TMEM114: variants seen among roughly 807,000 people sequenced by gnomAD.
TMEM114 encodes the protein transmembrane protein 114.
A neutral mutation model predicts 6.2 loss-of-function variants in TMEM114; 6 were observed. That is an observed-to-expected ratio of 0.97 (90% confidence interval 0.53 to 1.91). The LOEUF (loss-of-function observed/expected upper bound fraction) is 1.91. Ranked by LOEUF, TMEM114 falls within the 40% of genes most tolerant of loss-of-function variation. The probability of loss-of-function intolerance (pLI) is 0.01; values close to 1 mark genes in which losing one functional copy is unlikely to be tolerated. For missense variants in TMEM114, 218 were observed against 158.3 expected (o/e 1.38, Z -2.02); for synonymous variants, 104 against 73.0 (o/e 1.42, Z -2.16).
At chr16:8,527,178 T>G in the TMEM114 span, among the ~76,000 whole-genome samples, 1 of 152,170 alleles carries the variant, frequency 6.6e-6, no homozygotes, top group Non-Finnish European at 1.5e-5. Flanking sequence ...CTGCACTCCA[T>G]CCAGCCTGGG....
At chr16:8,586,026 C>T (rs576705219) in intron 2 of TMEM114, among the ~76,000 whole-genome samples, 1 of 152,302 alleles carries the variant, frequency 6.6e-6, no homozygotes, top group East Asian at 1.9e-4. Flanking sequence ...GGTTGTTGCA[C>T]TGTCAAGATT....
rs183569421 is a variant in TMEM114, at chr16:8,559,565, G to A, written n.213-21739C>T. Among the ~76,000 whole-genome samples the A allele has an allele frequency of 1.1e-4, 16 of 152,334 alleles. No homozygotes were observed. The East Asian group carries it at 3.1e-3, about 29-fold the overall frequency. The stretch of plus-strand genomic sequence containing the variant: ...AACAAAGGTGGAAGCGGATAGGGGA[G>A]TCGGCTTTTTCAATGCATGAATATT... On this transcript the variant is annotated intron_variant and non_coding_transcript_variant, in intron 2 of 2. Transcript: ENST00000623677.
chr16:8,531,474 C>T, the TMEM114 span, among the ~76,000 whole-genome samples: 1 of 152,186 alleles, frequency 6.6e-6, no homozygotes, highest in Non-Finnish European at 1.5e-5. Flanking sequence ...AGAGTTATCA[C>T]AAGGGAAGCC....
chr16:8,588,724 T>C (rs1489090195), intron 2 of TMEM114, among the ~76,000 whole-genome samples: 1 of 152,198 alleles, frequency 6.6e-6, no homozygotes, highest in Admixed American at 6.5e-5. Context: ...TGCAAATTTC[T>C]ATCGCACCCC....
At chr16:8,541,714 T>C (rs1172187505) in intron 2 of TMEM114, among the ~76,000 whole-genome samples, 4 of 152,186 alleles carry the variant, frequency 2.6e-5, no homozygotes, top group Non-Finnish European at 5.9e-5. Flanking sequence ...AATTTCATAT[T>C]CTCCATCAAT....
At chr16:8,559,497 C>A (rs1323503348) in intron 2 of TMEM114, among the ~76,000 whole-genome samples, 1 of 152,144 alleles carries the variant, frequency 6.6e-6, no homozygotes, top group Non-Finnish European at 1.5e-5. Context: ...AAGCAAGGAC[C>A]CAGCAATCCA....
intron 2 of TMEM114, among the ~76,000 whole-genome samples, chr16:8,542,727 G>T (rs918568773): frequency 2.0e-5 from 3 of 152,104 alleles, no homozygotes; most frequent in Admixed American, 6.6e-5. Flanking sequence ...AGGAACAGGG[G>T]AATTGGAGCC....
At chr16:8,555,884 G>T (rs1414878361) in intron 2 of TMEM114, among the ~76,000 whole-genome samples, 1 of 152,180 alleles carries the variant, frequency 6.6e-6, no homozygotes, top group Non-Finnish European at 1.5e-5. Flanking sequence ...TAGTACCAAG[G>T]TTGGGAAAGC....
downstream of TMEM114, among the ~76,000 whole-genome samples, chr16:8,568,210 A>G (rs1186063932): frequency 6.6e-6 from 1 of 152,130 alleles, no homozygotes; most frequent in African/African-American, 2.4e-5. Flanking sequence ...TACGTATTTC[A>G]TATGCCTCTC....
chr16:8,562,525 T>TGAA (rs879312768), intron 2 of TMEM114, among the ~76,000 whole-genome samples: 55,996 of 134,294 alleles, frequency 0.42, 6,466 homozygotes, highest in East Asian at 0.5. Flanking sequence ...AATGAGTGAG[T>TGAA]TAATGAGTGA....
chr16:8,567,485 G>T (rs532980653), downstream of TMEM114, among the ~76,000 whole-genome samples: 40 of 152,300 alleles, frequency 2.6e-4, no homozygotes, highest in Admixed American at 1.8e-3. Context: ...GTTTGTTATT[G>T]TCCATTATTG....
chr16:8,582,303 C>A (rs1902180286), intron 2 of TMEM114, among the ~76,000 whole-genome samples: 1 of 151,620 alleles, frequency 6.6e-6, no homozygotes, highest in South Asian at 2.1e-4. Flanking sequence ...AAAAAAAAAA[C>A]AGGAAGTGCT....
At chr16:8,568,545 A>C (rs896351333), downstream of TMEM114, among the ~76,000 whole-genome samples, 4 of 152,222 alleles carry the variant, frequency 2.6e-5, no homozygotes, top group African/African-American at 9.6e-5. Context: ...GGTGTCAGCT[A>C]TGATGATGAC....
chr16:8,541,557 C>G (rs914007186), intron 2 of TMEM114, among the ~76,000 whole-genome samples: 1 of 150,582 alleles, frequency 6.6e-6, no homozygotes, highest in Non-Finnish European at 1.5e-5. Context: ...CCTCATTCTG[C>G]TACAACATGA....
rs1901662643 is a variant in TMEM114, at chr16:8,569,771, G to A, written c.*2C>T. 3.9e-6 allele frequency: 6 copies of A among 1,548,340 alleles called. No individual in the cohort carries two copies. The highest frequency in any genetic ancestry group is 5.2e-6 in the Non-Finnish European group (6 of 1,145,348). ...CTCCCCTCCACGACCCAGCGCCCAGGCTCATATGGCCTGGTCCTGCCTCCG... is the reference window on the plus strand; with the variant it reads ...CTCCCCTCCACGACCCAGCGCCCAGACTCATATGGCCTGGTCCTGCCTCCG... On this transcript the variant is annotated 3_prime_UTR_variant, in exon 4 of 4. Transcript: ENST00000620492.
At chr16:8,536,361 G>C (rs1048890420), downstream of TMEM114, among the ~76,000 whole-genome samples, 1 of 152,074 alleles carries the variant, frequency 6.6e-6, no homozygotes, top group Admixed American at 6.6e-5. Flanking sequence ...TTTGTACATA[G>C]CTAACTTCAC....
At chr16:8,557,117 C>T (rs1392975430) in intron 2 of TMEM114, among the ~76,000 whole-genome samples, 2 of 152,162 alleles carry the variant, frequency 1.3e-5, no homozygotes, top group Non-Finnish European at 2.9e-5. Context: ...CTCCAATCCC[C>T]CATGCCCTTG....
chr16:8,553,049 G>A (rs138059601), intron 2 of TMEM114, among the ~76,000 whole-genome samples: 24 of 152,312 alleles, frequency 1.6e-4, no homozygotes, highest in Middle Eastern at 3.4e-3. Flanking sequence ...CTTCCTGCCA[G>A]GTTTTTCTTC....
chr16:8,562,457 T>TGAGG (rs1209531108), intron 2 of TMEM114, among the ~76,000 whole-genome samples: 1 of 149,864 alleles, frequency 6.7e-6, no homozygotes, highest in Non-Finnish European at 1.5e-5. Flanking sequence ...AATGAGTGAG[T>TGAGG]GAGGGAGGGA....
Sources: gnomAD v4.1 joint callset for allele counts (sites outside exome capture counted in the v4.1 genomes callset) on GRCh38, gnomAD v4.1.1 for gene constraint, MANE v1.5 for transcripts, NCBI Gene and HGNC (gene_info 2026-07-23, HGNC 2026-07-21) for gene names.